Variants in VPS13A observed in about 807,000 individuals in gnomAD.
The protein encoded by VPS13A is vacuolar protein sorting 13 homolog A.
Under a neutral mutation model 390.9 loss-of-function variants are expected in VPS13A, and 264 were observed. That is an observed-to-expected ratio of 0.68 (90% CI 0.61 to 0.75). VPS13A has a LOEUF of 0.75. VPS13A is among the 30% of genes least tolerant of loss of function. The pLI is 0.00. For synonymous variants in VPS13A, 1,231 were observed against 1,227.1 expected (o/e 1.00, Z -0.07); for missense variants, 3,409 against 3,733.9 (o/e 0.91, Z 2.27).
At chr9:77,359,243 T>C in intron 57 of VPS13A, 90 bp from the exon 58 acceptor site, 1 of 1,044,696 alleles carries the variant, frequency 9.6e-7, no homozygotes, top group Non-Finnish European at 1.5e-6. Flanking sequence ...TAGTAAATGA[T>C]TTAATTTTCC....
rs1826070239 is a variant in VPS13A, at chr9:77,213,217, A to G, written c.616-17A>G. On this transcript the variant is annotated splice_polypyrimidine_tract_variant and intron_variant, in intron 8 of 71. Transcript: ENST00000360280. ...TTCTTCAAAGAAAATGAGACATCTA[A>G]TAAATTTTATTTTCAGTTAATCCGA... 4 of 1,610,076 alleles carry G rather than the reference A, an allele frequency of 2.5e-6. No homozygotes were observed. Among genetic ancestry groups the G allele is most frequent in the Non-Finnish European group, 3.4e-6 (4 of 1,176,866 alleles).
At chr9:77,344,975 T>G in intron 51 of VPS13A, 34 bp from the exon 52 acceptor site, 3 of 1,601,988 alleles carry the variant, frequency 1.9e-6, no homozygotes, top group Non-Finnish European at 2.6e-6. Context: ...GGGAAAATGA[T>G]TACATTAAAA....
chr9:77,321,649 T>C lies in VPS13A; in HGVS notation c.5733T>C (p.Asn1911=). The C allele has an allele frequency of 6.2e-7, 1 of 1,613,320 alleles. No individual in the cohort carries two copies. The part of the protein sequence containing the change: ...IPMAKSYVLK[N]GESLSMDYIR... Reference sequence around the variant, plus strand: ...TGGCAAAATCATATGTATTGAAAAATGGAGAAAGTTTAAGTATGGATTATA... The same window carrying C: ...TGGCAAAATCATATGTATTGAAAAACGGAGAAAGTTTAAGTATGGATTATA... Residue 1911 remains asparagine, a synonymous_variant, in exon 44 of 72, where the codon AAT becomes AAC. Transcript: ENST00000360280.
intron 19 of VPS13A, among the ~76,000 whole-genome samples, chr9:77,245,034 G>A (rs1204906959): frequency 2.0e-5 from 3 of 152,134 alleles, no homozygotes; most frequent in Non-Finnish European, 4.4e-5. Context: ...AGTGAGGGGA[G>A]AGTGGAGGGA....
At chr9:77,396,969 A>T (rs948746317) in intron 68 of VPS13A, among the ~76,000 whole-genome samples, 5 of 152,118 alleles carry the variant, frequency 3.3e-5, no homozygotes. Flanking sequence ...ATTCATTTTT[A>T]TCTTTCATTT....
chr9:77,286,245 A>G (rs569100209), intron 31 of VPS13A, among the ~76,000 whole-genome samples: 1 of 152,190 alleles, frequency 6.6e-6, no homozygotes, highest in Non-Finnish European at 1.5e-5. Flanking sequence ...CAAAATAGCC[A>G]CTTTCTAGCT....
At chr9:77,391,192 A>C (rs960030211) in intron 68 of VPS13A, among the ~76,000 whole-genome samples, 5 of 152,192 alleles carry the variant, frequency 3.3e-5, no homozygotes, top group African/African-American at 1.2e-4. Context: ...CTACCTAGTA[A>C]CTTTCCCTAG....
rs771519816 is a variant in VPS13A, at chr9:77,275,668, A to G, written c.2667+16A>G. On this transcript the variant is annotated intron_variant, in intron 25 of 71. Transcript: ENST00000360280. The stretch of plus-strand genomic sequence containing the variant: ...AGTACCAAAGGTAGGTACTACGGTA[A>G]AATTAACATGGCTTAATTTGTTTGC... 11 of 1,610,328 alleles carry G rather than the reference A, an allele frequency of 6.8e-6. No homozygotes were observed. The African/African-American group carries it at 1.3e-4, about 20-fold the overall frequency.
At position 77,316,266 on chromosome 9, in the gene VPS13A, C is replaced by T. The variant is rs778002002; in HGVS notation, c.4723C>T (p.Pro1575Ser). ...AGCTGACATGACAAAAAATGATGCTCCTGCTTTAGTCATTACAACACAATG... is the reference window on the plus strand; with the variant it reads ...AGCTGACATGACAAAAAATGATGCTTCTGCTTTAGTCATTACAACACAATG... ...FVADMTKNDA[P>S]ALVITTQCEI... The change falls in exon 39 of 72, where the codon CCT (proline) becomes TCT (serine). Residue 1575 changes from proline to serine, a missense_variant. Transcript: ENST00000360280. 26 of 1,613,030 alleles carry T rather than the reference C, an allele frequency of 1.6e-5. No homozygotes were observed. Among genetic ancestry groups the T allele is most frequent in the African/African-American group, 5.3e-5 (4 of 74,840 alleles).
chr9:77,339,432 A>C (rs952923831), intron 47 of VPS13A, 84 bp from the exon 48 acceptor site: 1 of 1,339,508 alleles, frequency 7.5e-7, no homozygotes, highest in Non-Finnish European at 1.0e-6. Context: ...TTTTTGCAGC[A>C]TTTGGAATAC....
At chr9:77,384,821 A>G in intron 68 of VPS13A, 3 of 1,474,584 alleles carry the variant, frequency 2.0e-6, no homozygotes, top group Non-Finnish European at 2.7e-6. Context: ...ATTTTCATAA[A>G]GCAAAATAAT....
At chr9:77,228,397 G>GTT in intron 17 of VPS13A, 133 bp downstream of exon 17, 38 of 764,492 alleles carry the variant, frequency 5.0e-5, no homozygotes, top group African/African-American at 9.2e-5. Flanking sequence ...CAGGAAAAAG[G>GTT]TTTTTTTTTT....
intron 6 of VPS13A, among the ~76,000 whole-genome samples, chr9:77,210,179 CTCTCTTTCTCTT>C (rs1234499459): frequency 7.5e-6 from 1 of 133,730 alleles, no homozygotes; most frequent in African/African-American, 2.8e-5. Flanking sequence ...CTCTCTCTCT[CTCTCTTTCTCTT>C]TCTCTCTTTC....
intron 9 of VPS13A, among the ~76,000 whole-genome samples, chr9:77,213,959 G>A (rs1826113469): frequency 6.6e-6 from 1 of 151,066 alleles, no homozygotes; most frequent in African/African-American, 2.4e-5. Context: ...CAGATAATAG[G>A]ATTTTTTAGG....
chr9:77,203,643 T>G (rs1042140677), intron 3 of VPS13A, among the ~76,000 whole-genome samples: 1 of 152,198 alleles, frequency 6.6e-6, no homozygotes, highest in African/African-American at 2.4e-5. Flanking sequence ...TGTTAATATG[T>G]GTTTATTATT....
intron 59 of VPS13A, among the ~76,000 whole-genome samples, chr9:77,362,331 A>G (rs368375967): frequency 1.3e-5 from 2 of 152,176 alleles, no homozygotes; most frequent in African/African-American, 2.4e-5. Context: ...TATATGATGT[A>G]TAAGGATCCA....
In VPS13A at chr9:77,226,377, G is replaced by T. The variant is rs1010733389; in HGVS notation, c.1225-89G>T. The T allele has an allele frequency of 7.2e-6, 9 of 1,247,062 alleles. No homozygotes were observed. In the Admixed American group the frequency reaches 1.6e-4, roughly 22 times the overall value. The allele number at this position is 1,247,062 out of a possible 1,614,324, so 77.2% of individuals were successfully genotyped here. Reference sequence around the variant, plus strand: ...TGTTTACATTCATTTTGCTCAAGAGGATAAGTTCTCAGAATGTCTTGCTTA... The same window carrying T: ...TGTTTACATTCATTTTGCTCAAGAGTATAAGTTCTCAGAATGTCTTGCTTA... On this transcript the variant is annotated intron_variant, in intron 14 of 71. Coordinates refer to ENST00000360280, the MANE Select transcript of VPS13A (RefSeq NM_033305.3).
chr9:77,224,573 G>A (rs1414602186), intron 13 of VPS13A, among the ~76,000 whole-genome samples: 4 of 152,190 alleles, frequency 2.6e-5, no homozygotes, highest in Non-Finnish European at 5.9e-5. Flanking sequence ...AGAACTAGAA[G>A]TGGAGCCTGA....
intron 71 of VPS13A, among the ~76,000 whole-genome samples, chr9:77,408,781 T>C (rs980580358): frequency 6.6e-6 from 1 of 152,172 alleles, no homozygotes; most frequent in Non-Finnish European, 1.5e-5. Flanking sequence ...CTTGAGTAGC[T>C]AAACAAAGCA....
Sources: gnomAD v4.1 joint callset for allele counts (sites outside exome capture counted in the v4.1 genomes callset) on GRCh38, gnomAD v4.1.1 for gene constraint, MANE v1.5 for transcripts, NCBI Gene and HGNC (gene_info 2026-07-23, HGNC 2026-07-21) for gene names.